Variants in TBC1D5 observed in about 807,000 individuals in gnomAD.
The protein encoded by TBC1D5 is TBC1 domain family member 5.
TBC1D5 carries 75 observed loss-of-function variants against 100.3 expected under a neutral mutation model. The ratio of observed to expected loss-of-function variants is 0.75; its 90% CI spans 0.62 to 0.91. TBC1D5 has a LOEUF of 0.91. TBC1D5 is among the 40% of genes least tolerant of loss of function. The pLI is 0.00. For missense variants in TBC1D5, 910 were observed against 942.4 expected (o/e 0.97, Z 0.45); for synonymous variants, 323 against 325.6 (o/e 0.99, Z 0.09).
At chr3:17,664,205 G>A (rs1162299733) in intron 1 of TBC1D5, among the ~76,000 whole-genome samples, 1 of 152,072 alleles carries the variant, frequency 6.6e-6, no homozygotes, top group Non-Finnish European at 1.5e-5. Flanking sequence ...CAGTAGCTGG[G>A]ATTACAGGCA....
chr3:17,219,027 T>G (rs1428058266), intron 17 of TBC1D5, among the ~76,000 whole-genome samples: 2 of 151,784 alleles, frequency 1.3e-5, no homozygotes, highest in Non-Finnish European at 2.9e-5. Flanking sequence ...CTTCTGAGGC[T>G]CTCACTATCT....
intron 3 of TBC1D5, among the ~76,000 whole-genome samples, chr3:17,482,032 C>T (rs555159549): frequency 1.1e-4 from 16 of 152,270 alleles, no homozygotes; most frequent in African/African-American, 2.4e-4. Flanking sequence ...TGGGCCACCG[C>T]GCCTGGCCGA....
chr3:17,538,199 T>C (rs2096304653), intron 2 of TBC1D5, among the ~76,000 whole-genome samples: 1 of 151,714 alleles, frequency 6.6e-6, no homozygotes, highest in Non-Finnish European at 1.5e-5. Context: ...AGTCAGGTGG[T>C]TGTTAAACTG....
chr3:17,669,519 G>C (rs2067682847), intron 1 of TBC1D5, among the ~76,000 whole-genome samples: 1 of 152,068 alleles, frequency 6.6e-6, no homozygotes, highest in Non-Finnish European at 1.5e-5. Context: ...GATTTACCAT[G>C]AATGTTTCCC....
At chr3:17,623,604 G>GAA (rs1268867761) in intron 2 of TBC1D5, 5 of 152,286 alleles carry the variant, frequency 3.3e-5, no homozygotes, top group Admixed American at 3.3e-4. Flanking sequence ...TACCAACACA[G>GAA]AAGCACACTG....
chr3:17,424,627 T>G (rs188688644), intron 4 of TBC1D5, among the ~76,000 whole-genome samples: 2 of 152,338 alleles, frequency 1.3e-5, no homozygotes, highest in African/African-American at 4.8e-5. Flanking sequence ...TACAATCAAA[T>G]TTTAACCAAA....
At chr3:17,384,546 A>C (rs1006467010) in intron 8 of TBC1D5, among the ~76,000 whole-genome samples, 2 of 152,062 alleles carry the variant, frequency 1.3e-5, no homozygotes, top group Non-Finnish European at 2.9e-5. Context: ...CCCAAAGAGA[A>C]AACCCACAGC....
At chr3:17,228,121 C>T (rs1317636542) in intron 17 of TBC1D5, among the ~76,000 whole-genome samples, 1 of 152,034 alleles carries the variant, frequency 6.6e-6, no homozygotes, top group Non-Finnish European at 1.5e-5. Flanking sequence ...CCATCTGTTG[C>T]GTTGGTCCAG....
chr3:17,188,486 T>C (rs188928750), intron 18 of TBC1D5, among the ~76,000 whole-genome samples: 47 of 152,328 alleles, frequency 3.1e-4, no homozygotes, highest in African/African-American at 1.1e-3. Context: ...AAAAGAGGAC[T>C]ACTCTGGCTG....
intron 13 of TBC1D5, among the ~76,000 whole-genome samples, chr3:17,311,320 T>C (rs1284829478): frequency 6.6e-6 from 1 of 152,066 alleles, no homozygotes; most frequent in Non-Finnish European, 1.5e-5. Flanking sequence ...TTTTATCACT[T>C]GTGATAATAT....
intron 3 of TBC1D5, among the ~76,000 whole-genome samples, chr3:17,479,560 A>T (rs113555937): frequency 3.9e-5 from 6 of 152,300 alleles, no homozygotes; most frequent in African/African-American, 1.4e-4. Flanking sequence ...AAATCAGAAA[A>T]GAGGTCAGTC....
At chr3:17,496,349 T>C (rs2095707051) in intron 3 of TBC1D5, among the ~76,000 whole-genome samples, 1 of 152,184 alleles carries the variant, frequency 6.6e-6, no homozygotes, top group South Asian at 2.1e-4. Flanking sequence ...TTCTAATATG[T>C]CCTAGAGGAA....
At chr3:17,302,478 G>C (rs973431689) in intron 14 of TBC1D5, among the ~76,000 whole-genome samples, 7 of 152,168 alleles carry the variant, frequency 4.6e-5, no homozygotes, top group East Asian at 1.9e-4. Context: ...TTTTGTTGAG[G>C]GGGGGGATAC....
chr3:17,681,745 C>T (rs2069502863), intron 1 of TBC1D5, among the ~76,000 whole-genome samples: 2 of 151,434 alleles, frequency 1.3e-5, no homozygotes. Flanking sequence ...TCTCCAACCC[C>T]CAGGCCATGG....
intron 17 of TBC1D5, among the ~76,000 whole-genome samples, chr3:17,220,880 CA>C (rs1214020484): frequency 6.6e-6 from 1 of 151,958 alleles, no homozygotes; most frequent in African/African-American, 2.4e-5. Context: ...GGCTTTTTGA[CA>C]AAATGAAAAA....
chr3:17,533,034 G>A (rs1254394228), intron 2 of TBC1D5, among the ~76,000 whole-genome samples: 3 of 148,452 alleles, frequency 2.0e-5, no homozygotes, highest in African/African-American at 7.5e-5. Context: ...TCCAGCCTGA[G>A]CAACACAATG....
chr3:17,706,032 A>G (rs1479022360), intron 1 of TBC1D5: 1 of 1,558,158 alleles, frequency 6.4e-7, no homozygotes, highest in African/African-American at 1.4e-5. Flanking sequence ...CTGGACTTAC[A>G]CCATGTTCTT....
At position 17,664,604 on chromosome 3, in the gene TBC1D5, G is replaced by T. The variant is rs187051725; in HGVS notation, c.-100-40691C>A. On this transcript the variant is annotated intron_variant, in intron 1 of 21. Transcript: ENST00000253692. ...AGGGACAGACAAAAAGAGAGGCAGA[G>T]CGAGACGAAGAGGACAATTTGCATT... Among the ~76,000 whole-genome samples the T allele has an allele frequency of 2.9e-3, 447 of 152,264 alleles. 2 individuals carry two copies. The highest frequency in any genetic ancestry group is 4.7e-3 in the Non-Finnish European group (319 of 68,010).
At chr3:17,734,148 G>C (rs2076783207) in intron 1 of TBC1D5, among the ~76,000 whole-genome samples, 1 of 152,146 alleles carries the variant, frequency 6.6e-6, no homozygotes, top group African/African-American at 2.4e-5. Flanking sequence ...TTGTCATAAA[G>C]ATTGAAAGAA....
Sources: allele counts gnomAD v4.1 joint callset (sites outside exome capture counted in the v4.1 genomes callset), GRCh38; gene constraint gnomAD v4.1.1; transcripts MANE v1.5; gene names NCBI Gene and HGNC (gene_info 2026-07-23, HGNC 2026-07-21).